SPDL1: variants seen among roughly 807,000 people sequenced by gnomAD.
SPDL1 encodes the protein spindle apparatus coiled-coil protein 1.
Under a neutral mutation model 79.5 loss-of-function variants are expected in SPDL1, and 85 were observed. The observed-to-expected ratio is 1.07, with a 90% confidence interval of 0.90 to 1.28. The LOEUF (loss-of-function observed/expected upper bound fraction) is 1.28. Ranked by LOEUF, SPDL1 falls within the 50% of genes most tolerant of loss-of-function variation. The pLI is 0.00. For missense variants in SPDL1, 703 were observed against 697.8 expected, an observed-to-expected ratio of 1.01 and a Z score of -0.08; for synonymous variants, 269 against 240.3, an observed-to-expected ratio of 1.12 and a Z score of -1.10.
In SPDL1 at chr5:169,591,817, T is replaced by C. The variant is rs368256945; in HGVS notation, c.336+593T>C. Among the ~76,000 whole-genome samples the C allele has an allele frequency of 3.3e-5, 5 of 152,356 alleles. No individual in the cohort carries two copies. In the East Asian group the frequency reaches 7.7e-4, roughly 23 times the overall value. On this transcript the variant is annotated intron_variant, in intron 3 of 11. Coordinates refer to ENST00000265295, the MANE Select transcript of SPDL1 (RefSeq NM_017785.5). ...TAGGTTTGAACTGAGGCTGTCTGAC[T>C]CCAAAGGCTGTGTTACTGAATCACT...
chr5:169,603,747 C>T (rs777073532), intron 11 of SPDL1, among the ~76,000 whole-genome samples: 2 of 151,990 alleles, frequency 1.3e-5, no homozygotes, highest in Admixed American at 6.6e-5. Flanking sequence ...CCAGCTACTC[C>T]GGTGGCTGAG....
intron 3 of SPDL1, among the ~76,000 whole-genome samples, chr5:169,591,630 T>C (rs1034414755): frequency 4.6e-5 from 7 of 152,232 alleles, no homozygotes; most frequent in African/African-American, 2.4e-5. Context: ...CAAATGACAC[T>C]TTATAGTTTG....
rs1756079494 is a variant in SPDL1 at position 169,604,297 on chromosome 5, T to A, written c.*90T>A. On this transcript the variant is annotated 3_prime_UTR_variant, in exon 12 of 12. Transcript: ENST00000265295. ...TCTTGATCTGACATATATCACCTTC[T>A]GGGTTATTTACTCATTGTGCCAGGA... The A allele has an allele frequency of 3.1e-6, 4 of 1,271,900 alleles. No homozygotes were observed. The highest frequency in any genetic ancestry group is 5.4e-5 in the Admixed American group (2 of 36,872). 78.8% of individuals were successfully genotyped at this position (1,271,900 alleles called of 1,614,324 possible).
chr5:169,595,542 A>G (rs891770233), intron 7 of SPDL1: 12 of 152,222 alleles, frequency 7.9e-5, no homozygotes, highest in African/African-American at 2.9e-4. Flanking sequence ...AAAGTGTAGT[A>G]AAATACTTAA....
intron 7 of SPDL1, 107 bp downstream of exon 7, chr5:169,594,788 T>C: frequency 1.5e-6 from 1 of 659,412 alleles, no homozygotes. Context: ...TGTACTTATA[T>C]AGTTGTTTCT....
At chr5:169,589,923 G>A (rs1400275913) in intron 2 of SPDL1, among the ~76,000 whole-genome samples, 1 of 152,082 alleles carries the variant, frequency 6.6e-6, no homozygotes, top group Non-Finnish European at 1.5e-5. Flanking sequence ...GGCTGGTCTT[G>A]AACTCCTGGC....
At chr5:169,602,278 A>C (rs764532624) in intron 11 of SPDL1, among the ~76,000 whole-genome samples, 5 of 152,226 alleles carry the variant, frequency 3.3e-5, no homozygotes, top group Non-Finnish European at 7.3e-5. Flanking sequence ...GGTAAGAGAA[A>C]GTGAATGGAA....
intron 11 of SPDL1, 72 bp from the exon 12 acceptor site, chr5:169,603,988 A>G (rs1756062755): frequency 1.3e-6 from 2 of 1,510,342 alleles, no homozygotes; most frequent in African/African-American, 2.8e-5. Context: ...GAGGCCCATT[A>G]TACTGGGGGT....
chr5:169,588,033 G>A (rs1755073664), intron 1 of SPDL1, among the ~76,000 whole-genome samples: 2 of 152,082 alleles, frequency 1.3e-5, no homozygotes, highest in South Asian at 2.1e-4. Context: ...TTACTTTTTT[G>A]TTATTCCCTT....
chr5:169,604,159 A>G lies in SPDL1; in HGVS notation c.1770A>G (p.Leu590=), dbSNP rs762496512. The G allele has an allele frequency of 2.5e-6, 4 of 1,610,482 alleles. No homozygotes were observed. Among genetic ancestry groups the G allele is most frequent in the Admixed American group, 1.7e-5 (1 of 59,332 alleles). Residue 590 remains leucine (L), a synonymous_variant, in exon 12 of 12, where the codon CTA becomes CTG. Transcript: ENST00000265295. ...KETCKKLHPI[L]YVSSKSTPET... is the part of the protein sequence containing the mutation. ...CTTGTAAGAAATTACACCCTATTCT[A>G]TATGTGTCTTCTAAATCTACTCCAG...
chr5:169,584,171 G>T (rs751190366), intron 1 of SPDL1: 12 of 152,204 alleles, frequency 7.9e-5, no homozygotes, highest in Non-Finnish European at 1.2e-4. Context: ...TGTGCGGTAC[G>T]GTAGCCTCTA....
intron 1 of SPDL1, among the ~76,000 whole-genome samples, chr5:169,584,856 A>G (rs1754899450): frequency 6.6e-6 from 1 of 151,640 alleles, no homozygotes; most frequent in African/African-American, 2.4e-5. Flanking sequence ...AAGAATGTGT[A>G]TAAAGCGGCC....
chr5:169,591,326 T>C (rs1461360730), intron 3 of SPDL1, 102 bp downstream of exon 3: 1 of 1,197,528 alleles, frequency 8.4e-7, no homozygotes, highest in Non-Finnish European at 1.2e-6. Flanking sequence ...CTTTGCAAAA[T>C]AGCCAAGATC....
chr5:169,586,990 G>A (rs554006939), intron 1 of SPDL1, among the ~76,000 whole-genome samples: 9 of 152,028 alleles, frequency 5.9e-5, no homozygotes, highest in African/African-American at 2.2e-4. Flanking sequence ...TCACTCCCTG[G>A]GCTTCTTCCT....
intron 1 of SPDL1, among the ~76,000 whole-genome samples, chr5:169,584,575 A>G (rs2113302996): frequency 6.6e-6 from 1 of 152,304 alleles, no homozygotes; most frequent in East Asian, 1.9e-4. Flanking sequence ...GCAGCCAGTG[A>G]GTAGTGGAGG....
Position 169,591,070 on chromosome 5 carries a change from C to A in SPDL1, c.182C>A (p.Thr61Asn), listed in dbSNP as rs1755254270. Residue 61 changes from threonine (T) to asparagine (N), a missense_variant, in exon 3 of 12, where the codon ACC becomes AAC. Thr to Asn is a moderately conservative substitution (Grantham distance 65, BLOSUM62 0). Transcript: ENST00000265295. ...MTESYEQEKY[T>N]LQREVELKSR... The stretch of plus-strand genomic sequence containing the variant: ...CAGAGTTATGAACAAGAAAAATATA[C>A]CCTTCAAAGAGAAGTTGAACTCAAG... 4 of 1,613,168 alleles carry A rather than the reference C, an allele frequency of 2.5e-6. No homozygotes were observed. The highest frequency in any genetic ancestry group is 2.5e-6 in the Non-Finnish European group (3 of 1,179,714).
chr5:169,593,296 G>C, intron 3 of SPDL1, 58 bp from the exon 4 acceptor site: 3 of 1,430,222 alleles, frequency 2.1e-6, no homozygotes, highest in Non-Finnish European at 2.8e-6. Context: ...TTCAATCAGT[G>C]ATTGTTTTTA....
At chr5:169,596,397 G>T (rs1191185309) in intron 7 of SPDL1, among the ~76,000 whole-genome samples, 164 bp from the exon 8 acceptor site, 1 of 152,074 alleles carries the variant, frequency 6.6e-6, no homozygotes. Context: ...GTATTCAAAT[G>T]TTATGTCTAC....
At chr5:169,601,895 C>G in intron 11 of SPDL1, 2 of 505,074 alleles carry the variant, frequency 4.0e-6, no homozygotes, top group Non-Finnish European at 7.2e-6. Context: ...TAACACATCT[C>G]TGAATGTTTT....
Sources: gnomAD v4.1 joint callset for allele counts (sites outside exome capture counted in the v4.1 genomes callset) on GRCh38, gnomAD v4.1.1 for gene constraint, MANE v1.5 for transcripts, NCBI Gene and HGNC (gene_info 2026-07-23, HGNC 2026-07-21) for gene names.